Variants in CEP295NL observed in about 807,000 individuals in gnomAD.
CEP295NL encodes CEP295 N-terminal like.
In CEP295NL, 3 loss-of-function variants were observed where a neutral mutation model predicts 4.6. The ratio of observed to expected loss-of-function variants is 0.65; its 90% CI spans 0.30 to 1.69. CEP295NL has a LOEUF of 1.69. CEP295NL is among the 40% of genes most tolerant of loss of function. The pLI, the probability that CEP295NL is intolerant of heterozygous loss-of-function variation, is 0.10. For missense variants in CEP295NL, 719 were observed against 769.0 expected (o/e 0.93, Z 0.77); for synonymous variants, 295 against 312.2 (o/e 0.94, Z 0.58).
Position 78,890,628 on chromosome 17 carries a change from C to T in CEP295NL, c.*10G>A. ...CAGTGATGTATTTACCCCGGGTGGG[C>T]CTCTCGCATTTAGCATATGTTCTGA... On this transcript the variant is annotated 3_prime_UTR_variant, in exon 3 of 3. Transcript: ENST00000322630. 1.3e-6 allele frequency: 2 copies of T among 1,546,890 alleles called. No homozygotes were observed. Among genetic ancestry groups the T allele is most frequent in the South Asian group, 1.2e-5 (1 of 83,908 alleles).
At position 78,892,375 on chromosome 17, in the gene CEP295NL, A is replaced by G. The variant is rs759988687; in HGVS notation, c.129T>C (p.Leu43=). 7 of 1,550,502 alleles carry G rather than the reference A, an allele frequency of 4.5e-6. No individual in the cohort carries two copies. The African/African-American group carries it at 9.6e-5, about 21-fold the overall frequency. The change falls in exon 3 of 3, where the codon CTT becomes CTC. Residue 43 remains leucine (L), a synonymous_variant. Coordinates refer to ENST00000322630, the MANE Select transcript of CEP295NL (RefSeq NM_001243540.2). Reference sequence around the variant, plus strand: ...ACCCAGCAGATACAGCTTCCCAGGGAAGGTGCTTGGAGCCAAGAGTGGAGG... The same window carrying G: ...ACCCAGCAGATACAGCTTCCCAGGGGAGGTGCTTGGAGCCAAGAGTGGAGG... ...LEPSTLGSKH[L]PWEAVSAGFA...
chr17:78,891,128 T>C lies in CEP295NL; in HGVS notation c.1376A>G (p.Asn459Ser). Residue 459 changes from asparagine (N) to serine (S), a missense_variant, in exon 3 of 3, where the codon AAC (asparagine) becomes AGC (serine). Physicochemically the swap from Asn to Ser is conservative, Grantham distance 46 (BLOSUM62 1). Coordinates refer to ENST00000322630, the MANE Select transcript of CEP295NL (RefSeq NM_001243540.2). This position sits in a 1 kb window ranked among gnomAD's most constrained non-coding sequence, Gnocchi z 4.5. ...GCTATACAATAATGAGTCCTCTTTGTTGATAAATATACCTGCCTCGGGAGA... is the reference window on the plus strand; with the variant it reads ...GCTATACAATAATGAGTCCTCTTTGCTGATAAATATACCTGCCTCGGGAGA... ...TLSPEAGIFI[N>S]KEDSLLYSTE... 6.4e-7 allele frequency: 1 copy of C among 1,550,750 alleles called. No individual in the cohort carries two copies. Among genetic ancestry groups the C allele is most frequent in the African/African-American group, 1.4e-5 (1 of 73,178 alleles).
In CEP295NL at chr17:78,891,008, G is replaced by A. The variant is rs997116594; in HGVS notation, c.1496C>T (p.Thr499Met). Residue 499 changes from threonine (T) to methionine (M), a missense_variant, in exon 3 of 3, where the codon ACG becomes ATG. Physicochemically the swap from Thr to Met is moderately conservative, Grantham distance 81. Transcript: ENST00000322630. The surrounding 1 kb of genome is among the most constrained non-coding windows in gnomAD (Gnocchi z 4.5). ...LQDQADRVGS[T>M]ASRQRQKAEM... ...TGCTTTCTGCCTTTGCCTGGATGCCGTCGAGCCCACTCTGTCTGCCTGGTC... is the reference window on the plus strand; with the variant it reads ...TGCTTTCTGCCTTTGCCTGGATGCCATCGAGCCCACTCTGTCTGCCTGGTC... 15 of 1,551,016 alleles carry A rather than the reference G, an allele frequency of 9.7e-6. No individual in the cohort carries two copies. The highest frequency in any genetic ancestry group is 4.8e-5 in the South Asian group (4 of 84,060).
chr17:78,898,084 A>G (rs1282844473), intron 2 of CEP295NL: 4 of 152,210 alleles, frequency 2.6e-5, no homozygotes, highest in African/African-American at 9.7e-5. Context: ...GAGAGGCTGA[A>G]TAACTTTCCC....
intron 2 of CEP295NL, 75 bp from the exon 3 acceptor site, chr17:78,892,534 C>A: frequency 3.4e-6 from 5 of 1,472,592 alleles, no homozygotes; most frequent in South Asian, 1.4e-5. Context: ...GAGACAAGCA[C>A]ACGGGATTCT....
rs1213417573 is a variant in CEP295NL at position 78,891,928 on chromosome 17, G to A, written c.576C>T (p.Ser192=). 6.4e-6 allele frequency: 10 copies of A among 1,550,454 alleles called. No homozygotes were observed. The highest frequency in any genetic ancestry group is 7.8e-6 in the Non-Finnish European group (9 of 1,146,984). ...EELGQQHPRH[S]RPRKTAASPE... ...GACTCGCTGCTGTCTTCCGGGGCCT[G>A]GAGTGCCTGGGGTGTTGCTGGCCCA... The change falls in exon 3 of 3, where the codon TCC becomes TCT. Residue 192 remains serine (S), a synonymous_variant. Coordinates refer to ENST00000322630, the MANE Select transcript of CEP295NL (RefSeq NM_001243540.2). This position sits in a 1 kb window ranked among gnomAD's most constrained non-coding sequence, Gnocchi z 4.5.
chr17:78,893,438 T>TGC (rs145181894), intron 2 of CEP295NL, among the ~76,000 whole-genome samples: 2 of 144,934 alleles, frequency 1.4e-5, no homozygotes, highest in African/African-American at 5.2e-5. Flanking sequence ...CAGGGGTGTG[T>TGC]GCGTGGGGCT....
At chr17:78,902,577 A>G (rs539051427) in intron 1 of CEP295NL, 1 of 152,538 alleles carries the variant, frequency 6.6e-6, no homozygotes, top group African/African-American at 2.4e-5. Flanking sequence ...TCCAGGGTGG[A>G]GATGGTTGGG....
intron 2 of CEP295NL, among the ~76,000 whole-genome samples, chr17:78,900,631 T>G (rs2070076213): frequency 6.6e-6 from 1 of 152,170 alleles, no homozygotes; most frequent in Non-Finnish European, 1.5e-5. Context: ...GCCTGAGCTT[T>G]CACACCTGAC....
At position 78,891,524 on chromosome 17, in the gene CEP295NL, G is replaced by C. The variant is rs1015701873; in HGVS notation, c.980C>G (p.Ser327Cys). The change falls in exon 3 of 3, where the codon TCT (serine) becomes TGT (cysteine). Residue 327 changes from serine (S) to cysteine (C), a missense_variant. Ser to Cys is a moderately radical substitution (Grantham distance 112). Transcript: ENST00000322630. This position sits in a 1 kb window ranked among gnomAD's most constrained non-coding sequence, Gnocchi z 4.5. ...GTTCTTCTCCCGGAGCGTGCACTGA[G>C]ATGCTGGGGACACGGCTTCCCTTCT... ...SCRREAVSPA[S>C]QCTLREKNKW... 23 of 1,551,016 alleles carry C rather than the reference G, an allele frequency of 1.5e-5. No homozygotes were observed. The highest frequency in any genetic ancestry group is 1.9e-5 in the Non-Finnish European group (22 of 1,147,144).
intron 2 of CEP295NL, among the ~76,000 whole-genome samples, chr17:78,893,008 C>T (rs1376087913): frequency 6.6e-6 from 1 of 151,958 alleles, no homozygotes; most frequent in Non-Finnish European, 1.5e-5. Flanking sequence ...GAGAATTGAT[C>T]GTAAAGGAAA....
intron 2 of CEP295NL, among the ~76,000 whole-genome samples, chr17:78,900,601 G>A (rs2070075961): frequency 6.6e-6 from 1 of 152,042 alleles, no homozygotes; most frequent in Non-Finnish European, 1.5e-5. Context: ...GGTGGTGGTG[G>A]GCTCTTCCAC....
rs1013056711 is a variant in CEP295NL, at chr17:78,890,693, T to C, written c.1811A>G (p.Lys604Arg). 2 of 1,550,592 alleles carry C rather than the reference T, an allele frequency of 1.3e-6. No homozygotes were observed. The highest frequency in any genetic ancestry group is 4.9e-5 in the East Asian group (2 of 40,914). ...TTTCCGGGCTTCTTCAAGAAACTGC[T>C]TGTGCAACCTGTTTTGCTGTAAGAT... ...QQILQQNRLHKQFLEEARKCL... is the reference protein window; with the variant it reads ...QQILQQNRLHRQFLEEARKCL... Residue 604 changes from lysine to arginine, a missense_variant, in exon 3 of 3, where the codon AAG becomes AGG. Physicochemically the swap from Lys to Arg is conservative, Grantham distance 26. Coordinates refer to ENST00000322630, the MANE Select transcript of CEP295NL (RefSeq NM_001243540.2).
At chr17:78,893,470 CATAGCG>C in intron 2 of CEP295NL, among the ~76,000 whole-genome samples, 3 of 117,514 alleles carry the variant, frequency 2.6e-5, no homozygotes, top group African/African-American at 1.0e-4. Flanking sequence ...GGTGTGTGTG[CATAGCG>C]GTGTGTGTGC....
intron 2 of CEP295NL, among the ~76,000 whole-genome samples, chr17:78,894,742 A>G (rs2069970610): frequency 6.6e-6 from 1 of 152,166 alleles, no homozygotes; most frequent in African/African-American, 2.4e-5. Flanking sequence ...AGTCAGGCAA[A>G]GATTTCTTAG....
Position 78,891,595 on chromosome 17 carries a change from C to A in CEP295NL, c.909G>T (p.Gly303=). ...ACAGCTGCCCGAGGTCTCTCAGCTT[C>A]CCCTCCAGACTCTGTCCCTGAGAGC... ...TSRSQGQSLE[G]KLRDLGQLWP... is the part of the protein sequence containing the mutation. The change falls in exon 3 of 3, where the codon GGG becomes GGT. Residue 303 remains glycine (G), a synonymous_variant. Coordinates refer to ENST00000322630, the MANE Select transcript of CEP295NL (RefSeq NM_001243540.2). The surrounding 1 kb of genome is among the most constrained non-coding windows in gnomAD (Gnocchi z 4.5). 6.4e-7 allele frequency: 1 copy of A among 1,550,898 alleles called. No individual in the cohort carries two copies. Among genetic ancestry groups the A allele is most frequent in the Non-Finnish European group, 8.7e-7 (1 of 1,147,068 alleles).
chr17:78,893,840 C>T (rs1057010735), intron 2 of CEP295NL, among the ~76,000 whole-genome samples: 1 of 151,996 alleles, frequency 6.6e-6, no homozygotes, highest in African/African-American at 2.4e-5. Flanking sequence ...GCAGGCCTTC[C>T]TAGGAAAGGA....
At chr17:78,900,950 C>T (rs1000286333) in intron 2 of CEP295NL, 1 of 152,378 alleles carries the variant, frequency 6.6e-6, no homozygotes, top group African/African-American at 2.4e-5. Context: ...ATGGTGCAGC[C>T]CAGCCAGCCC....
At position 78,890,830 on chromosome 17, in the gene CEP295NL, C is replaced by T. The variant is rs59465275; in HGVS notation, c.1674G>A (p.Thr558=). ...ATCCTCTCTCCCTTTCCTGGGCTCTCGTGGAGGAGGACTTCAGATGGGCCA... is the reference window on the plus strand; with the variant it reads ...ATCCTCTCTCCCTTTCCTGGGCTCTTGTGGAGGAGGACTTCAGATGGGCCA... ...ARLAHLKSSS[T]RAQERERGSE... is the part of the protein sequence containing the mutation. The change falls in exon 3 of 3, where the codon ACG becomes ACA. Residue 558 remains threonine (T), a synonymous_variant. Coordinates refer to ENST00000322630, the MANE Select transcript of CEP295NL (RefSeq NM_001243540.2). 1.7e-4 allele frequency: 267 copies of T among 1,550,594 alleles called. No homozygotes were observed. In the African/African-American group the frequency reaches 3.3e-3, roughly 19 times the overall value.
Sources: gnomAD v4.1 joint callset for allele counts (sites outside exome capture counted in the v4.1 genomes callset) on GRCh38, gnomAD v4.1.1 for gene constraint, Gnocchi (gnomAD v3.1) non-coding constraint, MANE v1.5 for transcripts, NCBI Gene and HGNC (gene_info 2026-07-23, HGNC 2026-07-21) for gene names.